Variants in PCSK6 observed in about 807,000 individuals in gnomAD.
PCSK6 encodes paired basic amino acid cleaving enzyme 4.
A neutral mutation model predicts 123.3 loss-of-function variants in PCSK6; 85 were observed. The observed-to-expected ratio is 0.69, with a 90% confidence interval of 0.58 to 0.83. PCSK6 has a LOEUF of 0.83. Ranked by LOEUF, PCSK6 falls within the 40% of genes least tolerant of loss-of-function variation. The pLI, the probability that PCSK6 is intolerant of heterozygous loss-of-function variation, is 0.00. For synonymous variants in PCSK6, 508 were observed against 516.0 expected (o/e 0.98, Z 0.21); for missense variants, 1,191 against 1,282.3 (o/e 0.93, Z 1.09).
intron 11 of PCSK6, 53 bp downstream of exon 11, chr15:101,382,039 C>A: frequency 8.0e-7 from 1 of 1,243,308 alleles, no homozygotes; most frequent in South Asian, 1.3e-5. Flanking sequence ...ACAACAGAGT[C>A]AGCTCCAAAC....
chr15:101,334,797 C>A (rs1188079414), intron 13 of PCSK6, among the ~76,000 whole-genome samples: 2 of 152,168 alleles, frequency 1.3e-5, no homozygotes, highest in African/African-American at 4.8e-5. Context: ...GGGGCTGCTC[C>A]ACACTCAGGG....
chr15:101,426,824 C>T (rs7182719), intron 6 of PCSK6, among the ~76,000 whole-genome samples: 8 of 103,498 alleles, frequency 7.7e-5, no homozygotes, highest in East Asian at 2.8e-4. Flanking sequence ...GGTGGCAGAA[C>T]GGCAGAAAGC....
intron 17 of PCSK6, 92 bp from the exon 18 acceptor site, chr15:101,322,699 G>A: frequency 2.5e-6 from 2 of 789,060 alleles, no homozygotes; most frequent in Admixed American, 2.1e-5. Flanking sequence ...TCAAAGCGGG[G>A]GTGCGGGTGG....
intron 18 of PCSK6, among the ~76,000 whole-genome samples, chr15:101,321,857 G>A (rs1190047489): frequency 6.6e-6 from 1 of 152,212 alleles, no homozygotes; most frequent in Non-Finnish European, 1.5e-5. Context: ...CTATGGGAGT[G>A]TCCCCCAAAA....
chr15:101,316,910 G>GTTTTTTTTTTTTTTTTTTTTTTTTTTTTT (rs57613156), intron 19 of PCSK6, among the ~76,000 whole-genome samples: 2 of 114,972 alleles, frequency 1.7e-5, no homozygotes, highest in African/African-American at 7.9e-5. Flanking sequence ...ACTTAATTCT[G>GTTTTTTTTTTTTTTTTTTTTTTTTTTTTT]TTTTTTTTTT....
intron 2 of PCSK6, among the ~76,000 whole-genome samples, chr15:101,442,923 G>C (rs1361253475): frequency 6.6e-6 from 1 of 152,156 alleles, no homozygotes; most frequent in Non-Finnish European, 1.5e-5. Context: ...CCACATGGAA[G>C]GTATTCCAAA....
intron 13 of PCSK6, among the ~76,000 whole-genome samples, chr15:101,338,535 G>C (rs1324176098): frequency 6.6e-6 from 1 of 152,132 alleles, no homozygotes; most frequent in Non-Finnish European, 1.5e-5. Flanking sequence ...GCCAGACCAG[G>C]GTCTACACTC....
chr15:101,413,530 C>A (rs1271647038), intron 6 of PCSK6, among the ~76,000 whole-genome samples: 2 of 151,442 alleles, frequency 1.3e-5, no homozygotes, highest in East Asian at 3.8e-4. Context: ...GCAGACTTAA[C>A]CCCTAATGTA....
chr15:101,326,210 G>A (rs1035978399), intron 16 of PCSK6, among the ~76,000 whole-genome samples, 167 bp downstream of exon 16: 1 of 152,254 alleles, frequency 6.6e-6, no homozygotes, highest in African/African-American at 2.4e-5. Context: ...TGATAGGAAT[G>A]CCAAGTTACT....
intron 6 of PCSK6, among the ~76,000 whole-genome samples, chr15:101,415,948 C>G (rs1002842083): frequency 2.0e-5 from 3 of 152,228 alleles, no homozygotes; most frequent in African/African-American, 7.2e-5. Flanking sequence ...TCGGGAATGT[C>G]TTCATCAGCA....
At chr15:101,354,552 G>T (rs1345612865) in intron 13 of PCSK6, among the ~76,000 whole-genome samples, 1 of 152,248 alleles carries the variant, frequency 6.6e-6, no homozygotes, top group Non-Finnish European at 1.5e-5. Context: ...GTAAAGCAAT[G>T]AAATCTTTAC....
intron 1 of PCSK6, among the ~76,000 whole-genome samples, chr15:101,459,436 T>C (rs2057278048): frequency 6.8e-6 from 1 of 147,734 alleles, no homozygotes; most frequent in African/African-American, 2.6e-5. Flanking sequence ...CTCCTCTCCC[T>C]AAGTCCACAT....
chr15:101,430,181 A>G, intron 4 of PCSK6, 118 bp from the exon 5 acceptor site: 1 of 732,258 alleles, frequency 1.4e-6, no homozygotes, highest in South Asian at 1.6e-5. Context: ...CTCTTACTAT[A>G]GCTATAATCT....
chr15:101,415,260 T>A (rs2055847624), intron 6 of PCSK6, among the ~76,000 whole-genome samples: 1 of 152,236 alleles, frequency 6.6e-6, no homozygotes, highest in African/African-American at 2.4e-5. Context: ...TGATAGAGGC[T>A]GATGCCTAAA....
At chr15:101,383,612 G>A (rs745382049) in intron 10 of PCSK6, among the ~76,000 whole-genome samples, 3 of 152,046 alleles carry the variant, frequency 2.0e-5, no homozygotes, top group Non-Finnish European at 2.9e-5. Context: ...CACAGGGACT[G>A]GCCAAAAGAA....
At chr15:101,473,998 T>C (rs768358204) in intron 1 of PCSK6, among the ~76,000 whole-genome samples, 3 of 152,210 alleles carry the variant, frequency 2.0e-5, no homozygotes, top group Non-Finnish European at 2.9e-5. Flanking sequence ...AAATCTAACT[T>C]CTTGTTCTTG....
At chr15:101,395,905 G>A (rs182150632) in intron 7 of PCSK6, among the ~76,000 whole-genome samples, 4 of 152,260 alleles carry the variant, frequency 2.6e-5, no homozygotes, top group East Asian at 3.9e-4. Flanking sequence ...AAGGACCAAC[G>A]TTAAACAGAT....
intron 18 of PCSK6, among the ~76,000 whole-genome samples, chr15:101,319,221 G>A (rs2040061617): frequency 6.6e-6 from 1 of 152,128 alleles, no homozygotes; most frequent in African/African-American, 2.4e-5. Context: ...ACACAGCAGT[G>A]TGAATCAATA....
intron 6 of PCSK6, among the ~76,000 whole-genome samples, chr15:101,402,814 C>T (rs968271484): frequency 6.6e-6 from 1 of 152,130 alleles, no homozygotes; most frequent in African/African-American, 2.4e-5. Flanking sequence ...CACTTTTACA[C>T]TGTTGGTGGG....
Sources: gnomAD v4.1 joint callset for allele counts (sites outside exome capture counted in the v4.1 genomes callset) on GRCh38, gnomAD v4.1.1 for gene constraint, MANE v1.5 for transcripts, NCBI Gene and HGNC (gene_info 2026-07-23, HGNC 2026-07-21) for gene names.